The following PCDHA2 variants were observed in gnomAD, a reference collection of about 807,000 sequenced individuals.
PCDHA2 encodes the protein protocadherin alpha-2.
A neutral mutation model predicts 66.0 loss-of-function variants in PCDHA2; 58 were observed. That is an observed-to-expected ratio of 0.88 (90% CI 0.71 to 1.09). PCDHA2 has a LOEUF of 1.09. PCDHA2 is among the 50% of genes least tolerant of loss of function. The pLI is 0.00. For missense variants in PCDHA2, 1,267 were observed against 1,242.3 expected (o/e 1.02, Z -0.30); for synonymous variants, 634 against 554.0 (o/e 1.14, Z -2.03).
chr5:140,914,933 T>C (rs1025071911), intron 1 of PCDHA2, among the ~76,000 whole-genome samples: 1 of 149,146 alleles, frequency 6.7e-6, no homozygotes, highest in Non-Finnish European at 1.5e-5. Flanking sequence ...TACTATGTTG[T>C]GAAAAGTTGT....
In PCDHA2 at chr5:140,848,788, G is replaced by A. The variant is rs2150420579; in HGVS notation, c.2388+51436G>A. 23 of 1,593,058 alleles carry A rather than the reference G, an allele frequency of 1.4e-5. 3 individuals are homozygous for A. Among genetic ancestry groups the A allele is most frequent in the African/African-American group, 1.3e-5 (1 of 74,170 alleles). On this transcript the variant is annotated intron_variant, in intron 1 of 3. Coordinates refer to ENST00000526136, the MANE Select transcript of PCDHA2 (RefSeq NM_018905.3). ...ATCGACCGCGAGGAGCTGTGCGGGCGGAGCGCGGAGTGCAGCATCCACCTG... is the reference window on the plus strand; with the variant it reads ...ATCGACCGCGAGGAGCTGTGCGGGCAGAGCGCGGAGTGCAGCATCCACCTG...
intron 1 of PCDHA2, chr5:140,856,310 C>T (rs782387382): frequency 5.0e-6 from 8 of 1,598,548 alleles, no homozygotes; most frequent in Non-Finnish European, 6.8e-6. Context: ...TGTGAATTCT[C>T]GGATTGACCG....
At chr5:140,982,628 G>A (rs2096992254) in intron 3 of PCDHA2, 65 bp downstream of exon 3, 1 of 1,578,000 alleles carries the variant, frequency 6.3e-7, no homozygotes, top group African/African-American at 1.4e-5. Flanking sequence ...ACCTACTTTT[G>A]TAAGATCAGG....
chr5:140,842,302 T>A (rs1554138952), intron 1 of PCDHA2: 3 of 1,609,802 alleles, frequency 1.9e-6, no homozygotes, highest in Non-Finnish European at 2.6e-6. Flanking sequence ...ACAAAGGCCA[T>A]CCTCCCATGG....
At chr5:140,898,956 T>G (rs1352076218) in intron 1 of PCDHA2, among the ~76,000 whole-genome samples, 1 of 152,130 alleles carries the variant, frequency 6.6e-6, no homozygotes, top group African/African-American at 2.4e-5. Flanking sequence ...GAAGCAGTTG[T>G]GAATGGGAGT....
At chr5:140,966,937 C>A in intron 1 of PCDHA2, 1 of 1,604,032 alleles carries the variant, frequency 6.2e-7, no homozygotes. Context: ...CCGGCGCGCT[C>A]GTGGGCAACG....
intron 1 of PCDHA2, chr5:140,875,915 T>C: frequency 6.2e-7 from 1 of 1,614,214 alleles, no homozygotes; most frequent in Non-Finnish European, 8.5e-7. Context: ...TCTGCGCCTC[T>C]GGACTCTCAT....
intron 1 of PCDHA2, among the ~76,000 whole-genome samples, chr5:140,874,881 CCTAA>C (rs1562692558): frequency 6.6e-6 from 1 of 152,102 alleles, no homozygotes; most frequent in African/African-American, 2.4e-5. Context: ...AATACAAATT[CCTAA>C]CTTTCTCTAA....
chr5:140,971,115 G>A (rs1409733667), intron 1 of PCDHA2, among the ~76,000 whole-genome samples: 1 of 152,146 alleles, frequency 6.6e-6, no homozygotes, highest in Non-Finnish European at 1.5e-5. Flanking sequence ...GGATTGGGGT[G>A]GGCTACAGGT....
intron 1 of PCDHA2, among the ~76,000 whole-genome samples, chr5:140,907,117 T>G (rs2073177882): frequency 6.6e-6 from 1 of 152,156 alleles, no homozygotes; most frequent in Non-Finnish European, 1.5e-5. Context: ...ACCCCTTGAT[T>G]CCTGGACCTG....
intron 1 of PCDHA2, among the ~76,000 whole-genome samples, chr5:140,832,323 T>G (rs1483891932): frequency 6.6e-6 from 1 of 152,208 alleles, no homozygotes; most frequent in Non-Finnish European, 1.5e-5. Context: ...TTAAGGGCCA[T>G]TAGAGGACTG....
intron 1 of PCDHA2, chr5:140,815,810 TTA>T (rs1765796922): frequency 6.6e-6 from 1 of 152,208 alleles, no homozygotes; most frequent in African/African-American, 2.4e-5. Flanking sequence ...GGGAAGGTCT[TTA>T]TCTCTTTTTC....
intron 1 of PCDHA2, among the ~76,000 whole-genome samples, chr5:140,889,476 C>G (rs2062241146): frequency 6.6e-6 from 1 of 152,054 alleles, no homozygotes; most frequent in South Asian, 2.1e-4. Flanking sequence ...TATGCTCATA[C>G]TTTCTACAGA....
chr5:140,853,241 T>C (rs1032355023), intron 1 of PCDHA2: 4 of 978,568 alleles, frequency 4.1e-6, no homozygotes, highest in Admixed American at 6.3e-5. Context: ...TCCTTCATAT[T>C]AATCTCTATT....
At chr5:140,805,455 G>A in intron 1 of PCDHA2, 5 of 1,026,414 alleles carry the variant, frequency 4.9e-6, no homozygotes, top group Non-Finnish European at 5.8e-6. Context: ...GTGTGTTTGT[G>A]TGAGTGTAGT....
chr5:140,822,975 C>T (rs2150120923), intron 1 of PCDHA2: 6 of 1,614,234 alleles, frequency 3.7e-6, no homozygotes, highest in Non-Finnish European at 5.1e-6. Context: ...TGTCCACCTT[C>T]AAGAATTACT....
intron 1 of PCDHA2, among the ~76,000 whole-genome samples, chr5:140,875,000 C>A (rs2055209641): frequency 3.3e-5 from 5 of 152,130 alleles, no homozygotes; most frequent in Admixed American, 3.3e-4. Flanking sequence ...TATCATTTTC[C>A]ATGATAAAGT....
intron 3 of PCDHA2, among the ~76,000 whole-genome samples, chr5:140,999,861 A>G (rs1181249308): frequency 6.6e-6 from 1 of 152,184 alleles, no homozygotes; most frequent in Non-Finnish European, 1.5e-5. Flanking sequence ...TTCCGCTCCA[A>G]GATTACTGAA....
rs1272799738 is a variant in PCDHA2 at position 140,969,033 on chromosome 5, T to C, written c.2389-9916T>C. On this transcript the variant is annotated intron_variant, in intron 1 of 3. Coordinates refer to ENST00000526136, the MANE Select transcript of PCDHA2 (RefSeq NM_018905.3). ...GTAAGGGAAAGGTCCCCTGCAGAAC[T>C]GTACAAACAAGCCAACAACAATATT... 5 of 1,614,028 alleles carry C rather than the reference T, an allele frequency of 3.1e-6. No individual in the cohort carries two copies. Among genetic ancestry groups the C allele is most frequent in the Admixed American group, 3.3e-5 (2 of 60,006 alleles).
Sources: gnomAD v4.1 joint callset for allele counts (sites outside exome capture counted in the v4.1 genomes callset) on GRCh38, gnomAD v4.1.1 for gene constraint, MANE v1.5 for transcripts, NCBI Gene and HGNC (gene_info 2026-07-23, HGNC 2026-07-21) for gene names.